CHCHD6: variants seen among roughly 807,000 people sequenced by gnomAD.
The protein encoded by CHCHD6 is MICOS complex subunit MIC25.
In CHCHD6, 28 loss-of-function variants were observed where a neutral mutation model predicts 32.3. The ratio of observed to expected loss-of-function variants is 0.87; its 90% CI spans 0.64 to 1.19. The LOEUF (loss-of-function observed/expected upper bound fraction) is 1.19. CHCHD6 is among the 50% of genes most tolerant of loss of function. The probability of loss-of-function intolerance (pLI) is 0.00; values close to 1 mark genes in which losing one functional copy is unlikely to be tolerated. For missense variants in CHCHD6, 333 were observed against 307.0 expected, an observed-to-expected ratio of 1.08 and a Z score of -0.63; for synonymous variants, 122 against 117.5, an observed-to-expected ratio of 1.04 and a Z score of -0.25.
At chr3:126,944,647 C>T (rs763839423) in intron 6 of CHCHD6, among the ~76,000 whole-genome samples, 5 of 152,160 alleles carry the variant, frequency 3.3e-5, no homozygotes, top group African/African-American at 9.7e-5. Flanking sequence ...GACAGAGAGG[C>T]GGGGCTGGCG....
Position 126,815,654 on chromosome 3 carries a change from C to G in CHCHD6, c.412-36993C>G, listed in dbSNP as rs552704609. Among the ~76,000 whole-genome samples the G allele has an allele frequency of 5.5e-4, 81 of 147,888 alleles. 2 individuals are homozygous for G. In the South Asian group the frequency reaches 0.011, roughly 20 times the overall value. On this transcript the variant is annotated intron_variant, in intron 4 of 7. Transcript: ENST00000290913. ...TCCTGTGGGTTCTTGCCCCCCCCCC[C>G]CCATCTGTGTCCACAGCCCTTGCTC...
At chr3:126,753,400 A>G (rs1374242760) in intron 4 of CHCHD6, among the ~76,000 whole-genome samples, 2 of 152,010 alleles carry the variant, frequency 1.3e-5, no homozygotes, top group Non-Finnish European at 2.9e-5. Flanking sequence ...GCACTGAGGC[A>G]CTCGTAGCTG....
At chr3:126,710,693 G>A (rs185216423) in intron 1 of CHCHD6, among the ~76,000 whole-genome samples, 19 of 152,236 alleles carry the variant, frequency 1.2e-4, no homozygotes, top group Admixed American at 5.9e-4. Flanking sequence ...TGATGCTATT[G>A]TGAATGGAGT....
In CHCHD6 at chr3:126,928,496, G is replaced by A. The variant is rs139128965; in HGVS notation, c.566+13746G>A. On this transcript the variant is annotated intron_variant, in intron 6 of 7. Transcript: ENST00000290913. ...ATTGTGTCCCCAGTGCAGGCTGGCC[G>A]CACGTCACCTGTGGCACTCCATTCA... Among the ~76,000 whole-genome samples the A allele has an allele frequency of 8.5e-5, 13 of 152,226 alleles. No individual in the cohort carries two copies. The East Asian group carries it at 2.3e-3, about 27-fold the overall frequency.
chr3:126,918,868 T>G (rs891337817), intron 6 of CHCHD6, among the ~76,000 whole-genome samples: 2 of 152,248 alleles, frequency 1.3e-5, no homozygotes, highest in Non-Finnish European at 2.9e-5. Context: ...AATTTCTGTA[T>G]AAACACAGCT....
At chr3:126,743,076 C>G (rs9838251) in intron 4 of CHCHD6, among the ~76,000 whole-genome samples, 45,753 of 151,794 alleles carry the variant, frequency 0.3, 8,737 homozygotes, top group African/African-American at 0.54. Flanking sequence ...GAAGGTGAAA[C>G]GCAGTCTCTA....
At chr3:126,860,564 G>T (rs142354132) in intron 5 of CHCHD6, among the ~76,000 whole-genome samples, 3 of 152,146 alleles carry the variant, frequency 2.0e-5, no homozygotes, top group Admixed American at 6.5e-5. Flanking sequence ...CCTGCATGTT[G>T]TGCACATATA....
intron 4 of CHCHD6, among the ~76,000 whole-genome samples, chr3:126,781,109 G>T (rs547847217): frequency 3.3e-5 from 5 of 152,300 alleles, no homozygotes; most frequent in African/African-American, 1.2e-4. Context: ...CCCTGAGGCT[G>T]CCAGAAGAGC....
intron 4 of CHCHD6, among the ~76,000 whole-genome samples, chr3:126,789,579 G>A (rs886219974): frequency 5.3e-5 from 8 of 152,040 alleles, no homozygotes; most frequent in Admixed American, 5.2e-4. Flanking sequence ...TTATGTAATG[G>A]CCTTCTTTGT....
intron 4 of CHCHD6, among the ~76,000 whole-genome samples, chr3:126,806,313 A>G (rs1207517194): frequency 1.3e-5 from 2 of 152,316 alleles, no homozygotes; most frequent in East Asian, 1.9e-4. Flanking sequence ...CTGACAAAGG[A>G]CTAATATCCA....
intron 4 of CHCHD6, among the ~76,000 whole-genome samples, chr3:126,764,779 G>T (rs1403374927): frequency 1.3e-5 from 2 of 152,212 alleles, no homozygotes; most frequent in Non-Finnish European, 2.9e-5. Flanking sequence ...GGATCAGGCT[G>T]TCTCCTGGAA....
chr3:126,818,172 C>T (rs1939989897), intron 4 of CHCHD6, among the ~76,000 whole-genome samples: 1 of 152,164 alleles, frequency 6.6e-6, no homozygotes, highest in Non-Finnish European at 1.5e-5. Context: ...CTCTTTTCCT[C>T]CTCTTAATGT....
At position 126,837,037 on chromosome 3, in the gene CHCHD6, A is replaced by T. The variant is rs893601643; in HGVS notation, c.412-15610A>T. 1.4e-4 allele frequency among the ~76,000 whole-genome samples: 21 copies of T among 152,222 alleles called. 1 individual carries two copies. Among genetic ancestry groups the T allele is most frequent in the Admixed American group, 1.3e-3 (20 of 15,282 alleles). On this transcript the variant is annotated intron_variant, in intron 4 of 7. Transcript: ENST00000290913. ...TCCACTAAAGGGAATTGTGCGCCAG[A>T]GTGGCTCTACATTTCATTTCCGACC...
intron 6 of CHCHD6, among the ~76,000 whole-genome samples, chr3:126,948,494 G>A (rs770706467): frequency 1.2e-4 from 18 of 152,136 alleles, no homozygotes; most frequent in Non-Finnish European, 2.4e-4. Context: ...AATGGGATTC[G>A]TACTGGATTA....
At chr3:126,928,887 T>C (rs1340979244) in intron 6 of CHCHD6, among the ~76,000 whole-genome samples, 1 of 152,196 alleles carries the variant, frequency 6.6e-6, no homozygotes, top group Non-Finnish European at 1.5e-5. Flanking sequence ...GGGTCATTCA[T>C]GTGTGGTCAC....
chr3:126,854,062 G>A (rs547654564), intron 5 of CHCHD6, among the ~76,000 whole-genome samples: 2 of 152,202 alleles, frequency 1.3e-5, no homozygotes, highest in Admixed American at 6.5e-5. Flanking sequence ...AAAGAGCCTC[G>A]CAGCATTTTT....
chr3:126,863,966 TCAC>T (rs1254369286), intron 5 of CHCHD6, among the ~76,000 whole-genome samples: 1 of 92,412 alleles, frequency 1.1e-5, no homozygotes, highest in Admixed American at 1.0e-4. Context: ...TCCTCCACCA[TCAC>T]CACCTCCTCC....
chr3:126,748,611 A>G (rs890474188), intron 4 of CHCHD6, among the ~76,000 whole-genome samples: 4 of 151,810 alleles, frequency 2.6e-5, no homozygotes, highest in African/African-American at 9.7e-5. Context: ...AAAAAAAAAA[A>G]AGAAAGAAAA....
chr3:126,949,083 T>C (rs2078678741), intron 6 of CHCHD6, among the ~76,000 whole-genome samples: 1 of 152,236 alleles, frequency 6.6e-6, no homozygotes, highest in South Asian at 2.1e-4. Context: ...GCACAGCTCC[T>C]GCCTTATAGC....
Sources: allele counts gnomAD v4.1 joint callset (sites outside exome capture counted in the v4.1 genomes callset), GRCh38; gene constraint gnomAD v4.1.1; transcripts MANE v1.5; gene names NCBI Gene and HGNC (gene_info 2026-07-23, HGNC 2026-07-21).